The following GAREM1 variants were observed in gnomAD, a reference collection of about 807,000 sequenced individuals.
GAREM1 encodes the protein GRB2-associated and regulator of MAPK protein 1.
In GAREM1, 26 loss-of-function variants were observed where a neutral mutation model predicts 71.3. The ratio of observed to expected loss-of-function variants is 0.36; its 90% CI spans 0.27 to 0.51. The LOEUF (loss-of-function observed/expected upper bound fraction) is 0.51. GAREM1 is among the 20% of genes least tolerant of loss of function. The pLI is 0.95. For missense variants in GAREM1, 1,026 were observed against 1,103.1 expected (o/e 0.93, Z 0.99); for synonymous variants, 440 against 433.2 (o/e 1.02, Z -0.20).
chr18:32,375,922 T>G (rs1326492457), intron 2 of GAREM1, among the ~76,000 whole-genome samples: 5 of 152,214 alleles, frequency 3.3e-5, no homozygotes, highest in Non-Finnish European at 1.5e-5. Context: ...ATCACTGCTG[T>G]GCAGCCACAA....
chr18:32,318,829 T>C (rs1229200074), intron 2 of GAREM1, among the ~76,000 whole-genome samples: 1 of 152,110 alleles, frequency 6.6e-6, no homozygotes, highest in Non-Finnish European at 1.5e-5. Context: ...TCTGTTGTCA[T>C]CTCCTCCATG....
chr18:32,296,252 C>T (rs943745249), intron 3 of GAREM1, among the ~76,000 whole-genome samples: 10 of 152,158 alleles, frequency 6.6e-5, no homozygotes, highest in Non-Finnish European at 1.2e-4. Flanking sequence ...TGAGCCACCA[C>T]GCCCAGGTAG....
chr18:32,353,028 C>T (rs1408037964), intron 2 of GAREM1, among the ~76,000 whole-genome samples: 2 of 152,174 alleles, frequency 1.3e-5, no homozygotes, highest in Admixed American at 6.5e-5. Flanking sequence ...AATTTCCATA[C>T]CCTGATTACA....
At chr18:32,432,491 A>T (rs2048633380) in intron 1 of GAREM1, among the ~76,000 whole-genome samples, 2 of 152,150 alleles carry the variant, frequency 1.3e-5, no homozygotes, top group African/African-American at 4.8e-5. Flanking sequence ...CAATAGAGAA[A>T]AATCAATAAG....
At position 32,393,054 on chromosome 18, in the gene GAREM1, T is replaced by C. The variant is rs1215525367; in HGVS notation, c.122-19A>G. ...CACTCTCCTAGGAAATACAATTTTATATGAGAAACTTAGAATTCATAATCT... is the reference window on the plus strand; with the variant it reads ...CACTCTCCTAGGAAATACAATTTTACATGAGAAACTTAGAATTCATAATCT... On this transcript the variant is annotated intron_variant, in intron 1 of 5. Transcript: ENST00000269209. 10 of 1,603,252 alleles carry C rather than the reference T, an allele frequency of 6.2e-6. No individual in the cohort carries two copies. The highest frequency in any genetic ancestry group is 7.7e-6 in the Non-Finnish European group (9 of 1,172,810).
At chr18:32,425,733 T>G (rs1568006709) in intron 1 of GAREM1, among the ~76,000 whole-genome samples, 2 of 152,234 alleles carry the variant, frequency 1.3e-5, no homozygotes, top group Non-Finnish European at 2.9e-5. Flanking sequence ...ATGACTCATA[T>G]GGATTTCTCT....
At chr18:32,411,835 C>A (rs1340690193) in intron 1 of GAREM1, among the ~76,000 whole-genome samples, 1 of 151,604 alleles carries the variant, frequency 6.6e-6, no homozygotes, top group Non-Finnish European at 1.5e-5. Context: ...GGGAAATTTA[C>A]CAAGATGGCT....
At chr18:32,462,447 C>G (rs571848487) in intron 1 of GAREM1, among the ~76,000 whole-genome samples, 1 of 152,194 alleles carries the variant, frequency 6.6e-6, no homozygotes, top group South Asian at 2.1e-4. Flanking sequence ...GTGTTTTGCC[C>G]ATTTTAAATA....
intron 3 of GAREM1, among the ~76,000 whole-genome samples, chr18:32,294,386 GTCC>G (rs1423056944): frequency 1.3e-5 from 2 of 152,132 alleles, no homozygotes; most frequent in Non-Finnish European, 1.5e-5. Flanking sequence ...GTGATAGGGT[GTCC>G]TCATTATTAT....
intron 1 of GAREM1, among the ~76,000 whole-genome samples, chr18:32,434,630 A>C (rs755137366): frequency 1.3e-5 from 2 of 152,126 alleles, no homozygotes; most frequent in Non-Finnish European, 2.9e-5. Flanking sequence ...CATGACTCAT[A>C]CTGATATAAA....
At chr18:32,297,246 T>C (rs1419773259) in intron 3 of GAREM1, among the ~76,000 whole-genome samples, 1 of 152,220 alleles carries the variant, frequency 6.6e-6, no homozygotes, top group Non-Finnish European at 1.5e-5. Context: ...GATACAATAC[T>C]ATCAGCTAAA....
intron 1 of GAREM1, among the ~76,000 whole-genome samples, chr18:32,406,917 A>C (rs916510129): frequency 6.6e-6 from 1 of 152,214 alleles, no homozygotes; most frequent in African/African-American, 2.4e-5. Flanking sequence ...TGATGATAAA[A>C]GCTTCCTGCA....
At chr18:32,364,026 A>ATATTT (rs1336753011) in intron 2 of GAREM1, among the ~76,000 whole-genome samples, 3 of 46,416 alleles carry the variant, frequency 6.5e-5, no homozygotes, top group African/African-American at 1.6e-4. Context: ...ATATATATAT[A>ATATTT]TGTTTTTTTT....
chr18:32,293,413 C>T (rs1265922072), intron 3 of GAREM1, among the ~76,000 whole-genome samples: 6 of 152,048 alleles, frequency 3.9e-5, no homozygotes, highest in African/African-American at 1.4e-4. Context: ...AAATCTGGGA[C>T]AATTTGAGCA....
intron 1 of GAREM1, among the ~76,000 whole-genome samples, chr18:32,442,142 A>G (rs2048744508): frequency 6.6e-6 from 1 of 152,212 alleles, no homozygotes; most frequent in African/African-American, 2.4e-5. Context: ...TGTTCTACTT[A>G]GCACTGCTAA....
Position 32,263,930 on chromosome 18 carries a change from T to A in GAREM1, c.*3941A>T, listed in dbSNP as rs1204425021. On this transcript the variant is annotated 3_prime_UTR_variant, in exon 6 of 6. Transcript: ENST00000269209. ...GATCTGATAAGCTCTATTACAAAATTTATAGCCTAAAAATTAGAGCAGCAA... is the reference window on the plus strand; with the variant it reads ...GATCTGATAAGCTCTATTACAAAATATATAGCCTAAAAATTAGAGCAGCAA... 1.3e-5 allele frequency: 2 copies of A among 152,186 alleles called. No individual in the cohort carries two copies. Among genetic ancestry groups the A allele is most frequent in the African/African-American group, 4.8e-5 (2 of 41,452 alleles). 9.4% of individuals were successfully genotyped at this position (152,186 alleles called of 1,614,324 possible).
chr18:32,358,930 C>G (rs1463796765), intron 2 of GAREM1, among the ~76,000 whole-genome samples: 1 of 152,160 alleles, frequency 6.6e-6, no homozygotes, highest in African/African-American at 2.4e-5. Flanking sequence ...AAAACGGCGA[C>G]AGCAGAGTAT....
chr18:32,395,913 G>A (rs544748865), intron 1 of GAREM1, among the ~76,000 whole-genome samples: 24 of 152,284 alleles, frequency 1.6e-4, no homozygotes, highest in African/African-American at 5.5e-4. Context: ...AAGCACCCCT[G>A]AGTAGGGGCA....
At chr18:32,307,408 G>A (rs1047930910) in intron 3 of GAREM1, among the ~76,000 whole-genome samples, 4 of 152,132 alleles carry the variant, frequency 2.6e-5, no homozygotes, top group Non-Finnish European at 5.9e-5. Flanking sequence ...ACATTTATGA[G>A]TAAAGAGTAT....
Sources: gnomAD v4.1 joint callset for allele counts (sites outside exome capture counted in the v4.1 genomes callset) on GRCh38, gnomAD v4.1.1 for gene constraint, MANE v1.5 for transcripts, NCBI Gene and HGNC (gene_info 2026-07-23, HGNC 2026-07-21) for gene names.